Variants in EDNRB observed in about 807,000 individuals in gnomAD.
The protein encoded by EDNRB is Hirschsprung disease 2.
EDNRB carries 18 observed loss-of-function variants against 46.4 expected under a neutral mutation model. The ratio of observed to expected loss-of-function variants is 0.39; its 90% CI spans 0.27 to 0.57. The LOEUF is 0.57. EDNRB is among the 20% of genes least tolerant of loss of function. The pLI, the probability that EDNRB is intolerant of heterozygous loss-of-function variation, is 0.61. For synonymous variants in EDNRB, 213 were observed against 204.9 expected (o/e 1.04, Z -0.34); for missense variants, 434 against 537.5 (o/e 0.81, Z 1.90).
intron 6 of EDNRB, 30 bp from the exon 7 acceptor site, chr13:77,898,364 T>C (rs766452490): frequency 1.9e-6 from 3 of 1,610,338 alleles, no homozygotes; most frequent in Admixed American, 1.7e-5. Flanking sequence ...TCATTATATG[T>C]TAACATCAGT....
At position 77,918,384 on chromosome 13, in the gene EDNRB, G is replaced by A. The variant is rs139147111; in HGVS notation, c.190C>T (p.Arg64Trp). 3 of 1,604,732 alleles carry A rather than the reference G, an allele frequency of 1.9e-6. No individual in the cohort carries two copies. The highest frequency in any genetic ancestry group is 2.6e-6 in the Non-Finnish European group (3 of 1,174,002). ...GGCACCTCCGCAGGTGCCAACGACC[G>A]CGCCAGACTGGCGTTGGAACCCTTG... ...WPKGSNASLARSLAPAEVPKG... is the reference protein window; with the variant it reads ...WPKGSNASLAWSLAPAEVPKG... The change falls in exon 1 of 7, where the codon CGG becomes TGG. Residue 64 changes from arginine to tryptophan, a missense_variant. Physicochemically the swap from Arg to Trp is moderately radical, Grantham distance 101 (BLOSUM62 -3). Transcript: ENST00000646607. The surrounding 1 kb of genome is among the most constrained non-coding windows in gnomAD (Gnocchi z 4.5).
intron 3 of EDNRB, among the ~76,000 whole-genome samples, chr13:77,901,514 A>C (rs931717327): frequency 6.6e-6 from 1 of 152,030 alleles, no homozygotes; most frequent in Admixed American, 6.6e-5. Context: ...TCACATAAGA[A>C]ACTTATCCTT....
intron 1 of EDNRB, among the ~76,000 whole-genome samples, chr13:77,930,935 T>C (rs1880376846): frequency 6.6e-6 from 1 of 152,142 alleles, no homozygotes; most frequent in African/African-American, 2.4e-5. Context: ...TTTTACCTTA[T>C]AAGGTAAAGA....
chr13:77,934,651 G>A (rs566496093), intron 1 of EDNRB, among the ~76,000 whole-genome samples: 2 of 139,238 alleles, frequency 1.4e-5, no homozygotes, highest in African/African-American at 5.3e-5. Flanking sequence ...CTGGGCAGGG[G>A]CAAATCCCTG....
At position 77,918,565 on chromosome 13, in the gene EDNRB, C is replaced by T. The variant is rs201820859; in HGVS notation, c.9G>A (p.Pro3=). 5.6e-6 allele frequency: 9 copies of T among 1,595,864 alleles called. No individual in the cohort carries two copies. The highest frequency in any genetic ancestry group is 1.1e-5 in the South Asian group (1 of 88,136). ...GGGCGCGTCCGCACAGACTTGGAGG[C>T]GGCTGCATGCTGCTACCTGCTCCAG... MQ[P]PPSLCGRALV... The change falls in exon 1 of 7, where the codon CCG becomes CCA. Residue 3 remains proline (P), a synonymous_variant. Transcript: ENST00000646607. This position sits in a 1 kb window ranked among gnomAD's most constrained non-coding sequence, Gnocchi z 4.5.
Position 77,895,952 on chromosome 13 carries a change from G to A in EDNRB, c.*2248C>T, listed in dbSNP as rs1378468160. ...TAACATCCATGTTAACAATAATTTTGTCTGTTGCTATATTAAAGTCCTTAA... is the reference window on the plus strand; with the variant it reads ...TAACATCCATGTTAACAATAATTTTATCTGTTGCTATATTAAAGTCCTTAA... On this transcript the variant is annotated 3_prime_UTR_variant, in exon 7 of 7. Coordinates refer to ENST00000646607, the MANE Select transcript of EDNRB (RefSeq NM_001122659.3). The A allele has an allele frequency of 6.6e-6, 1 of 152,336 alleles. No individual in the cohort carries two copies. The highest frequency in any genetic ancestry group is 1.9e-4 in the East Asian group (1 of 5,200). 9.4% of individuals were successfully genotyped at this position (152,336 alleles called of 1,614,324 possible).
chr13:77,899,983 C>T lies in EDNRB; in HGVS notation c.1086-16G>A, dbSNP rs1878853032. On this transcript the variant is annotated splice_polypyrimidine_tract_variant and intron_variant, in intron 5 of 6. Coordinates refer to ENST00000646607, the MANE Select transcript of EDNRB (RefSeq NM_001122659.3). Reference sequence around the variant, plus strand: ...CAACAGAAAGCTGCAACAAAATAACCCAAAATGTGTCTGAAAAATATGCTA... The same window carrying T: ...CAACAGAAAGCTGCAACAAAATAACTCAAAATGTGTCTGAAAAATATGCTA... 1.9e-6 allele frequency: 3 copies of T among 1,599,312 alleles called. No individual in the cohort carries two copies. Among genetic ancestry groups the T allele is most frequent in the Non-Finnish European group, 2.6e-6 (3 of 1,168,010 alleles).
chr13:77,935,111 A>T (rs1333985722), intron 1 of EDNRB, among the ~76,000 whole-genome samples: 1 of 152,144 alleles, frequency 6.6e-6, no homozygotes, highest in Non-Finnish European at 1.5e-5. Context: ...TGAGGAAGAA[A>T]ATAGATTTTG....
At chr13:77,903,034 T>C in intron 3 of EDNRB, 122 bp downstream of exon 3, 2 of 1,070,820 alleles carry the variant, frequency 1.9e-6, no homozygotes, top group Non-Finnish European at 2.8e-6. Flanking sequence ...GGATCTATAC[T>C]CTTAATTTAT....
In EDNRB at chr13:77,934,691, G is replaced by C. The variant is rs945890850; in HGVS notation, c.-51-16067C>G. Among the ~76,000 whole-genome samples the C allele has an allele frequency of 2.9e-5, 4 of 137,102 alleles. 1 individual carries two copies. The highest frequency in any genetic ancestry group is 1.4e-4 in the Admixed American group (2 of 13,910). 89.9% of individuals were successfully genotyped at this position (137,102 alleles called of 152,430 possible). A position where few individuals can be genotyped will look rare whatever the true frequency, so the allele number is the denominator to read the frequency against. On this transcript the variant is annotated intron_variant, in intron 1 of 7. Coordinates refer to the EDNRB transcript ENST00000646948. ...TGATGTGTAGGAAAGGGGGGGGGGG[G>C]CCTGAATAGTCCCTGAGGAGTAGCA...
In EDNRB at chr13:77,903,336, A is replaced by G; in HGVS notation, c.621T>C (p.Ser207=). ...TTGGAACCCCAATTCCTTTAATTCT[A>G]CTCCAAGAAGCAACAGCTCGATATC... ...IDRYRAVASW[S]RIKGIGVPKW... is the part of the protein sequence containing the mutation. Residue 207 remains serine (S), a synonymous_variant, in exon 3 of 7, where the codon AGT becomes AGC. Transcript: ENST00000646607. 1 of 1,612,912 alleles carries G rather than the reference A, an allele frequency of 6.2e-7. No individual in the cohort carries two copies. The highest frequency in any genetic ancestry group is 8.5e-7 in the Non-Finnish European group (1 of 1,179,342).
At chr13:77,959,508 C>G (rs568544458) in intron 1 of EDNRB, among the ~76,000 whole-genome samples, 1 of 152,302 alleles carries the variant, frequency 6.6e-6, no homozygotes, top group East Asian at 1.9e-4. Context: ...GACTAACAAA[C>G]AGAAAGGACA....
At chr13:77,958,803 A>C (rs575040957) in intron 1 of EDNRB, among the ~76,000 whole-genome samples, 2 of 152,374 alleles carry the variant, frequency 1.3e-5, no homozygotes, top group East Asian at 3.9e-4. Context: ...ATGTTAAGGA[A>C]GAAATTAATG....
chr13:77,906,276 G>A (rs182219642), intron 1 of EDNRB, among the ~76,000 whole-genome samples: 1 of 151,988 alleles, frequency 6.6e-6, no homozygotes, highest in Admixed American at 6.6e-5. Flanking sequence ...TAAAAGAACT[G>A]CCAATTACCC....
intron 1 of EDNRB, among the ~76,000 whole-genome samples, chr13:77,906,968 C>A (rs4435136): frequency 1.6e-4 from 25 of 151,696 alleles, no homozygotes; most frequent in Admixed American, 1.1e-3. Flanking sequence ...AATACCTGCC[C>A]GACAGTGGTT....
intron 1 of EDNRB, among the ~76,000 whole-genome samples, chr13:77,952,809 A>G (rs12720136): frequency 0.015 from 2,211 of 152,256 alleles, 46 homozygotes; most frequent in East Asian, 0.024. Context: ...TTGATATTGT[A>G]TACCCCATCA....
At chr13:77,931,776 A>AAAAAAAAAAAAAAAAAAAC (rs1566324494) in intron 1 of EDNRB, among the ~76,000 whole-genome samples, 1 of 102,892 alleles carries the variant, frequency 9.7e-6, no homozygotes, top group Non-Finnish European at 2.0e-5. Flanking sequence ...AAAAAAAAAC[A>AAAAAAAAAAAAAAAAAAAC]AAAAAAACCT....
At chr13:77,926,943 T>C (rs1049009579) in intron 1 of EDNRB, among the ~76,000 whole-genome samples, 1 of 152,188 alleles carries the variant, frequency 6.6e-6, no homozygotes, top group African/African-American at 2.4e-5. Flanking sequence ...CAGAAACCTG[T>C]GATAAAACCA....
intron 1 of EDNRB, among the ~76,000 whole-genome samples, chr13:77,970,076 C>G (rs886203701): frequency 6.6e-6 from 1 of 152,148 alleles, no homozygotes; most frequent in Admixed American, 6.5e-5. Flanking sequence ...GAACCAGTGT[C>G]TGCATTTTCT....
Sources: allele counts gnomAD v4.1 joint callset (sites outside exome capture counted in the v4.1 genomes callset), GRCh38; gene constraint gnomAD v4.1.1; non-coding constraint Gnocchi (gnomAD v3.1); transcripts MANE v1.5; gene names NCBI Gene and HGNC (gene_info 2026-07-23, HGNC 2026-07-21).